The following PHC2 variants were observed in gnomAD, a reference collection of about 807,000 sequenced individuals.
PHC2 encodes polyhomeotic homolog 2, also known as polyhomeotic-like protein 2.
A neutral mutation model predicts 87.4 loss-of-function variants in PHC2; 29 were observed. The observed-to-expected ratio is 0.33, with a 90% CI of 0.25 to 0.45. The LOEUF is 0.45. Ranked by LOEUF, PHC2 falls within the 20% of genes least tolerant of loss-of-function variation. The probability of loss-of-function intolerance (pLI) is 1.00; values close to 1 mark genes in which losing one functional copy is unlikely to be tolerated. For missense variants in PHC2, 857 were observed against 1,136.7 expected (o/e 0.75, Z 3.54); for synonymous variants, 438 against 461.7 (o/e 0.95, Z 0.66).
intron 9 of PHC2, 95 bp downstream of exon 9, chr1:33,354,306 A>T: frequency 8.5e-7 from 1 of 1,172,336 alleles, no homozygotes; most frequent in Non-Finnish European, 1.2e-6. Flanking sequence ...GTAATAGTTT[A>T]CCCTCCCATT....
At chr1:33,424,628 C>A (rs1650594405) in intron 1 of PHC2, among the ~76,000 whole-genome samples, 1 of 152,162 alleles carries the variant, frequency 6.6e-6, no homozygotes. Context: ...TGTTCACTTT[C>A]TTTAGAAATT....
intron 7 of PHC2, among the ~76,000 whole-genome samples, chr1:33,360,542 CAT>C (rs1256081089): frequency 6.6e-5 from 10 of 151,246 alleles, no homozygotes; most frequent in African/African-American, 2.5e-4. Flanking sequence ...ACACATACCA[CAT>C]AGTTGTTAGT....
At chr1:33,412,196 C>CA (rs1650011127) in intron 1 of PHC2, among the ~76,000 whole-genome samples, 2 of 152,212 alleles carry the variant, frequency 1.3e-5, no homozygotes, top group South Asian at 4.1e-4. Context: ...AAGGAATCCA[C>CA]AAAAAATCTG....
chr1:33,381,036 A>G (rs1648465953), intron 1 of PHC2, among the ~76,000 whole-genome samples: 1 of 151,620 alleles, frequency 6.6e-6, no homozygotes, highest in African/African-American at 2.4e-5. Flanking sequence ...CATGTAACCA[A>G]CTCCTTAGAT....
intron 1 of PHC2, among the ~76,000 whole-genome samples, chr1:33,423,368 T>C (rs1216841771): frequency 6.6e-6 from 1 of 152,196 alleles, no homozygotes; most frequent in African/African-American, 2.4e-5. Flanking sequence ...AAATGCATTT[T>C]ACAGCCAAGA....
At chr1:33,422,564 G>C (rs1161655339) in intron 1 of PHC2, among the ~76,000 whole-genome samples, 2 of 152,170 alleles carry the variant, frequency 1.3e-5, no homozygotes, top group African/African-American at 4.8e-5. Context: ...TTTTTGGCTG[G>C]TTATACAATG....
In PHC2 at chr1:33,334,081, A is replaced by G; in HGVS notation, c.1761+9T>C. The G allele has an allele frequency of 6.3e-7, 1 of 1,589,804 alleles. No homozygotes were observed. The highest frequency in any genetic ancestry group is 8.6e-7 in the Non-Finnish European group (1 of 1,169,338). ...TTAAAAAAAAAAGGGGAAAAGAAGT[A>G]GTCCGTACCGGGAAAGGCTCCGCCC... On this transcript the variant is annotated intron_variant, in intron 10 of 14. Coordinates refer to ENST00000683057, the MANE Select transcript of PHC2 (RefSeq NM_001385109.1). The surrounding 1 kb of genome is among the most constrained non-coding windows in gnomAD (Gnocchi z 5.5).
At chr1:33,366,600 C>A (rs1647465785) in intron 7 of PHC2, among the ~76,000 whole-genome samples, 2 of 152,216 alleles carry the variant, frequency 1.3e-5, no homozygotes, top group Admixed American at 1.3e-4. Flanking sequence ...CCCAGCTACA[C>A]TGTGGAGGGC....
In PHC2 at chr1:33,324,789, C is replaced by A; in HGVS notation, c.*76G>T. Reference sequence around the variant, plus strand: ...CCCTCCAACCGGCCCCATTTCTGGGCCCCTCAGGAATGTCTGTCTGGCTCT... The same window carrying A: ...CCCTCCAACCGGCCCCATTTCTGGGACCCTCAGGAATGTCTGTCTGGCTCT... On this transcript the variant is annotated 3_prime_UTR_variant, in exon 15 of 15. Transcript: ENST00000683057. 6.8e-7 allele frequency: 1 copy of A among 1,472,334 alleles called. No homozygotes were observed. 91.2% of individuals were successfully genotyped at this position (1,472,334 alleles called of 1,614,324 possible).
rs773596075 is a variant in PHC2, at chr1:33,375,380, G to A, written c.160C>T (p.Arg54Trp). The change falls in exon 2 of 15, where the codon CGG becomes TGG. Residue 54 changes from arginine (R) to tryptophan (W), a missense_variant. Transcript: ENST00000683057. ...TAGACTCTTACCTGCACGGTCTGCCGGTCTGGAATACCACTGTACACAGAA... is the reference window on the plus strand; with the variant it reads ...TAGACTCTTACCTGCACGGTCTGCCAGTCTGGAATACCACTGTACACAGAA... The part of the protein sequence containing the change: ...QISVYSGIPD[R>W]QTVQVIQQAL... 10 of 1,586,292 alleles carry A rather than the reference G, an allele frequency of 6.3e-6. No individual in the cohort carries two copies. Among genetic ancestry groups the A allele is most frequent in the Non-Finnish European group, 8.6e-6 (10 of 1,164,574 alleles).
intron 9 of PHC2, chr1:33,350,282 G>T (rs952259839): frequency 6.6e-6 from 1 of 152,104 alleles, no homozygotes; most frequent in Non-Finnish European, 1.5e-5. Flanking sequence ...TGTTCACAAC[G>T]ACCCTACAAG....
intron 1 of PHC2, among the ~76,000 whole-genome samples, chr1:33,417,597 T>G (rs930963810): frequency 3.3e-5 from 5 of 152,128 alleles, no homozygotes; most frequent in Non-Finnish European, 1.5e-5. Flanking sequence ...TAAATGTGTA[T>G]GTACCTAGTA....
chr1:33,385,914 A>G (rs1648721628), intron 1 of PHC2, among the ~76,000 whole-genome samples: 1 of 151,342 alleles, frequency 6.6e-6, no homozygotes, highest in Non-Finnish European at 1.5e-5. Context: ...CTCCTGCCTC[A>G]GCCTCCTGAG....
At chr1:33,375,828 T>C (rs1648148692) in intron 1 of PHC2, among the ~76,000 whole-genome samples, 1 of 152,236 alleles carries the variant, frequency 6.6e-6, no homozygotes, top group Non-Finnish European at 1.5e-5. Flanking sequence ...TATGAGGTAT[T>C]ATAAGTAATC....
chr1:33,395,394 A>G (rs1649252797), intron 1 of PHC2, among the ~76,000 whole-genome samples: 1 of 152,142 alleles, frequency 6.6e-6, no homozygotes, highest in Non-Finnish European at 1.5e-5. Context: ...AAATTTACAG[A>G]ATAGTGTTTT....
At position 33,364,684 on chromosome 1, in the gene PHC2, T is replaced by C. The variant is rs1310232560; in HGVS notation, c.976+2432A>G. 1.3e-5 allele frequency among the ~76,000 whole-genome samples: 2 copies of C among 152,150 alleles called. No individual in the cohort carries two copies. The highest frequency in any genetic ancestry group is 2.9e-5 in the Non-Finnish European group (2 of 68,024). ...GAGTGGGGCAGCGCCATCTCTGGGC[T>C]TACAGAGAGGAAGGGGTGGGAGAGA... On this transcript the variant is annotated intron_variant, in intron 7 of 14. Coordinates refer to ENST00000683057, the MANE Select transcript of PHC2 (RefSeq NM_001385109.1). The surrounding 1 kb of genome is among the most constrained non-coding windows in gnomAD (Gnocchi z 4.1).
chr1:33,346,751 T>G, intron 9 of PHC2: 1 of 985,382 alleles, frequency 1.0e-6, no homozygotes, highest in Non-Finnish European at 1.2e-6. Flanking sequence ...ACGCCTGGCC[T>G]GAGGTCCACA....
Position 33,334,248 on chromosome 1 carries a change from G to T in PHC2, c.1603C>A (p.Pro535Thr). ...IVHALTDLSS[P>T]GMTSGNGNSA... Reference sequence around the variant, plus strand: ...TTTCCGTTCCCTGAGGTCATGCCGGGGCTGCTGAGGTCGGTCAGTGCATGA... The same window carrying T: ...TTTCCGTTCCCTGAGGTCATGCCGGTGCTGCTGAGGTCGGTCAGTGCATGA... Residue 535 changes from proline to threonine, a missense_variant, in exon 10 of 15, where the codon CCC becomes ACC. By Grantham distance (38) the Pro-to-Thr change is conservative. Transcript: ENST00000683057. The surrounding 1 kb of genome is among the most constrained non-coding windows in gnomAD (Gnocchi z 5.5). 1 of 1,611,896 alleles carries T rather than the reference G, an allele frequency of 6.2e-7. No individual in the cohort carries two copies. Among genetic ancestry groups the T allele is most frequent in the Non-Finnish European group, 8.5e-7 (1 of 1,179,438 alleles).
chr1:33,421,550 G>T (rs139714235), intron 1 of PHC2, among the ~76,000 whole-genome samples: 1 of 152,152 alleles, frequency 6.6e-6, no homozygotes, highest in Non-Finnish European at 1.5e-5. Context: ...AAACCCAAAT[G>T]AGCTCATTTC....
Sources: allele counts gnomAD v4.1 joint callset (sites outside exome capture counted in the v4.1 genomes callset), GRCh38; gene constraint gnomAD v4.1.1; non-coding constraint Gnocchi (gnomAD v3.1); transcripts MANE v1.5; gene names NCBI Gene and HGNC (gene_info 2026-07-23, HGNC 2026-07-21).